FHIT: variants seen among roughly 807,000 people sequenced by gnomAD.
The protein encoded by FHIT is bis(5'-adenosyl)-triphosphatase.
In FHIT, 19 loss-of-function variants were observed where a neutral mutation model predicts 17.9. The observed-to-expected ratio is 1.06, with a 90% confidence interval of 0.74 to 1.56. FHIT has a LOEUF of 1.56. Ranked by LOEUF, FHIT falls within the 40% of genes most tolerant of loss-of-function variation. The pLI is 0.00. For synonymous variants in FHIT, 81 were observed against 69.7 expected (o/e 1.16, Z -0.81); for missense variants, 248 against 189.2 (o/e 1.31, Z -1.82).
intron 5 of FHIT, among the ~76,000 whole-genome samples, chr3:60,270,272 C>T (rs7614891): frequency 0.09 from 13,643 of 152,244 alleles, 763 homozygotes; most frequent in Non-Finnish European, 0.13. Flanking sequence ...TTGCCTCCCC[C>T]AGTGAGGCTT....
intron 5 of FHIT, among the ~76,000 whole-genome samples, chr3:60,030,388 C>CT (rs1344780110): frequency 4.6e-5 from 7 of 152,152 alleles, no homozygotes; most frequent in Non-Finnish European, 7.4e-5. Flanking sequence ...TCCAGAAGCT[C>CT]TTTAAAAACA....
At chr3:59,954,089 G>A (rs1413793239) in intron 7 of FHIT, among the ~76,000 whole-genome samples, 1 of 152,176 alleles carries the variant, frequency 6.6e-6, no homozygotes, top group East Asian at 1.9e-4. Context: ...GTGCAAAGGA[G>A]AAGAGCAGGG....
intron 8 of FHIT, among the ~76,000 whole-genome samples, chr3:59,782,581 G>T (rs1575485722): frequency 6.6e-6 from 1 of 152,140 alleles, no homozygotes; most frequent in Admixed American, 6.6e-5. Context: ...CATTTAAGAG[G>T]AAGGGCTCAT....
chr3:60,708,310 T>C (rs1021231004), intron 4 of FHIT, among the ~76,000 whole-genome samples: 3 of 152,180 alleles, frequency 2.0e-5, no homozygotes, highest in African/African-American at 4.8e-5. Context: ...AGAGCATGTA[T>C]GATTGACTAA....
At chr3:60,175,172 CCA>C (rs1436045025) in intron 5 of FHIT, among the ~76,000 whole-genome samples, 1 of 152,182 alleles carries the variant, frequency 6.6e-6, no homozygotes, top group Non-Finnish European at 1.5e-5. Context: ...CCCTCTTTCC[CCA>C]CAGAGCTGGA....
intron 5 of FHIT, among the ~76,000 whole-genome samples, chr3:60,064,710 G>C (rs748418903): frequency 3.9e-5 from 6 of 152,148 alleles, no homozygotes; most frequent in Non-Finnish European, 5.9e-5. Flanking sequence ...GACTATACTG[G>C]TCAAAGAGTA....
At chr3:60,903,649 A>G (rs1553763794) in intron 3 of FHIT, among the ~76,000 whole-genome samples, 2 of 152,246 alleles carry the variant, frequency 1.3e-5, no homozygotes, top group African/African-American at 4.8e-5. Context: ...ATGCTGTCAT[A>G]TAATATTATC....
chr3:60,323,707 C>T (rs1411983595), intron 5 of FHIT, among the ~76,000 whole-genome samples: 1 of 152,198 alleles, frequency 6.6e-6, no homozygotes, highest in Non-Finnish European at 1.5e-5. Context: ...ATTACTTTGA[C>T]TTAAATGGAA....
chr3:60,031,206 G>C (rs1257791959), intron 5 of FHIT, among the ~76,000 whole-genome samples: 1 of 152,228 alleles, frequency 6.6e-6, no homozygotes, highest in Non-Finnish European at 1.5e-5. Flanking sequence ...GTTGAGTTGA[G>C]GGAGGTGATT....
chr3:59,948,949 T>C (rs1238833067), intron 7 of FHIT, among the ~76,000 whole-genome samples: 1 of 152,178 alleles, frequency 6.6e-6, no homozygotes, highest in East Asian at 1.9e-4. Flanking sequence ...AGGTAACTAC[T>C]GTGTGAAGCT....
At chr3:60,464,956 T>C (rs2107425937) in intron 5 of FHIT, among the ~76,000 whole-genome samples, 1 of 152,294 alleles carries the variant, frequency 6.6e-6, no homozygotes, top group Admixed American at 6.5e-5. Context: ...GTGGTTGTAC[T>C]AATTTACATT....
intron 2 of FHIT, among the ~76,000 whole-genome samples, chr3:61,090,228 G>A (rs1475470263): frequency 2.6e-5 from 4 of 152,138 alleles, no homozygotes; most frequent in Admixed American, 2.0e-4. Flanking sequence ...TTGTTTTAGG[G>A]GGGAAATTGT....
In FHIT at chr3:61,100,224, C is replaced by T. The variant is rs569485081; in HGVS notation, c.-163-58125G>A. 1.2e-4 allele frequency among the ~76,000 whole-genome samples: 19 copies of T among 152,210 alleles called. No individual in the cohort carries two copies. In the East Asian group the frequency reaches 1.7e-3, roughly 14 times the overall value. ...ATCCCTCTCCCAGCCCCACACCCCC[C>T]GACAGGACCCAGTGTGTGATGTTCC... On this transcript the variant is annotated intron_variant, in intron 2 of 9. Transcript: ENST00000492590.
At chr3:60,105,894 A>G (rs1256663292) in intron 5 of FHIT, among the ~76,000 whole-genome samples, 1 of 152,240 alleles carries the variant, frequency 6.6e-6, no homozygotes, top group East Asian at 1.9e-4. Flanking sequence ...ATTCTACAGT[A>G]GTCCCTCCTG....
intron 5 of FHIT, among the ~76,000 whole-genome samples, chr3:60,090,680 A>C (rs1380931182): frequency 6.6e-6 from 1 of 152,170 alleles, no homozygotes; most frequent in Non-Finnish European, 1.5e-5. Context: ...GGGGTCTTGA[A>C]TAGTTGAGAA....
chr3:60,991,049 A>G (rs969992428), intron 3 of FHIT, among the ~76,000 whole-genome samples: 1 of 152,212 alleles, frequency 6.6e-6, no homozygotes, highest in Non-Finnish European at 1.5e-5. Context: ...TGGGAAAAAA[A>G]TAAAGTAAGT....
chr3:60,688,430 T>C (rs2040909121), intron 4 of FHIT, among the ~76,000 whole-genome samples: 1 of 146,600 alleles, frequency 6.8e-6, no homozygotes, highest in Admixed American at 6.7e-5. Context: ...TTTTGTGTTT[T>C]TTTTTTTGTT....
chr3:60,443,980 T>G (rs2031125720), intron 5 of FHIT, among the ~76,000 whole-genome samples: 1 of 151,922 alleles, frequency 6.6e-6, no homozygotes, highest in South Asian at 2.1e-4. Context: ...TACAATGAAC[T>G]CAAACAAATT....
intron 5 of FHIT, among the ~76,000 whole-genome samples, chr3:60,323,598 C>A (rs540229580): frequency 6.6e-6 from 1 of 152,190 alleles, no homozygotes; most frequent in Non-Finnish European, 1.5e-5. Flanking sequence ...GGGAGCAGAT[C>A]CCCATCTGTG....
Sources: allele counts gnomAD v4.1 joint callset (sites outside exome capture counted in the v4.1 genomes callset), GRCh38; gene constraint gnomAD v4.1.1; transcripts MANE v1.5; gene names NCBI Gene and HGNC (gene_info 2026-07-23, HGNC 2026-07-21).